TANGO6: variants seen among roughly 807,000 people sequenced by gnomAD.
TANGO6 encodes the protein transport and Golgi organization protein 6 homolog.
A neutral mutation model predicts 114.2 loss-of-function variants in TANGO6; 90 were observed. The ratio of observed to expected loss-of-function variants is 0.79; its 90% confidence interval spans 0.66 to 0.94. The LOEUF is 0.94. Ranked by LOEUF, TANGO6 falls within the 40% of genes least tolerant of loss-of-function variation. TANGO6 has a pLI of 0.00. For synonymous variants in TANGO6, 477 were observed against 509.8 expected (o/e 0.94, Z 0.87); for missense variants, 1,274 against 1,315.3 (o/e 0.97, Z 0.49).
At chr16:68,892,867 T>A (rs1230091451) in intron 7 of TANGO6, among the ~76,000 whole-genome samples, 1 of 152,128 alleles carries the variant, frequency 6.6e-6, no homozygotes, top group East Asian at 1.9e-4. Context: ...GAGAGGCTTT[T>A]ATCACACCAC....
At chr16:69,048,536 AATT>A (rs1283089257) in intron 17 of TANGO6, among the ~76,000 whole-genome samples, 1 of 151,918 alleles carries the variant, frequency 6.6e-6, no homozygotes, top group African/African-American at 2.4e-5. Context: ...CCCAGGGATT[AATT>A]ATTAATTGAC....
chr16:68,935,029 T>C (rs964815838), intron 14 of TANGO6, among the ~76,000 whole-genome samples: 27 of 152,194 alleles, frequency 1.8e-4, no homozygotes, highest in African/African-American at 6.3e-4. Flanking sequence ...TTTGGACTAA[T>C]TGATGTTTTT....
rs1959762562 is a variant in TANGO6 at position 69,040,898 on chromosome 16, G to A, written c.3108+477G>A. ...TTTCTTCCTCCTTCAAGTGGGTTTGGCTGGATTTCTCCCCAGCGTATGGCC... is the reference window on the plus strand; with the variant it reads ...TTTCTTCCTCCTTCAAGTGGGTTTGACTGGATTTCTCCCCAGCGTATGGCC... On this transcript the variant is annotated intron_variant, in intron 17 of 17. Transcript: ENST00000261778. Among the ~76,000 whole-genome samples, 3 of 152,060 alleles carry A rather than the reference G, an allele frequency of 2.0e-5. No individual in the cohort carries two copies. The South Asian group carries it at 6.2e-4, about 32-fold the overall frequency.
intron 4 of TANGO6, among the ~76,000 whole-genome samples, chr16:68,870,344 G>A (rs1962248194): frequency 6.6e-6 from 1 of 152,182 alleles, no homozygotes; most frequent in Non-Finnish European, 1.5e-5. Context: ...ACAAAAGTGA[G>A]GTCAGTGTGG....
At chr16:69,020,133 G>C (rs989629014) in intron 15 of TANGO6, among the ~76,000 whole-genome samples, 4 of 152,120 alleles carry the variant, frequency 2.6e-5, no homozygotes, top group African/African-American at 9.7e-5. Flanking sequence ...AAATGTCCCA[G>C]TGTCCCAGCA....
intron 16 of TANGO6, among the ~76,000 whole-genome samples, chr16:69,036,430 A>G (rs1254367012): frequency 6.6e-6 from 1 of 152,134 alleles, no homozygotes; most frequent in Admixed American, 6.5e-5. Context: ...ACCATTATAC[A>G]TTTCACATGA....
chr16:69,014,486 AG>A (rs1422742968), intron 15 of TANGO6, among the ~76,000 whole-genome samples: 9 of 152,186 alleles, frequency 5.9e-5, no homozygotes, highest in African/African-American at 2.2e-4. Flanking sequence ...TCACATGGGG[AG>A]GGATGGCGAC....
chr16:69,048,073 G>GT (rs937322859), intron 17 of TANGO6, among the ~76,000 whole-genome samples: 13 of 150,766 alleles, frequency 8.6e-5, no homozygotes, highest in East Asian at 3.9e-4. Context: ...GAGTTTGGGA[G>GT]TTTTTTTTTC....
chr16:68,976,440 G>A (rs1963766287), intron 15 of TANGO6, among the ~76,000 whole-genome samples: 1 of 152,200 alleles, frequency 6.6e-6, no homozygotes, highest in African/African-American at 2.4e-5. Flanking sequence ...ATGAAGCTAG[G>A]AGGTGGGACC....
At chr16:69,033,297 G>A (rs1285732158) in intron 16 of TANGO6, among the ~76,000 whole-genome samples, 1 of 152,206 alleles carries the variant, frequency 6.6e-6, no homozygotes, top group African/African-American at 2.4e-5. Flanking sequence ...GGGTGTGCTG[G>A]TGGAGAAGGA....
chr16:68,986,551 G>A (rs549266313), intron 15 of TANGO6, among the ~76,000 whole-genome samples: 32 of 152,064 alleles, frequency 2.1e-4, no homozygotes, highest in African/African-American at 7.2e-4. Context: ...AGTATCACAT[G>A]GCCCCAGGTC....
intron 12 of TANGO6, among the ~76,000 whole-genome samples, chr16:68,922,715 C>T (rs994078400): frequency 2.0e-5 from 3 of 152,124 alleles, no homozygotes; most frequent in South Asian, 4.1e-4. Context: ...CCATTGGTCT[C>T]TAAAGCACGA....
chr16:69,066,434 A>G (rs1960214741), intron 17 of TANGO6, among the ~76,000 whole-genome samples: 1 of 152,102 alleles, frequency 6.6e-6, no homozygotes, highest in Non-Finnish European at 1.5e-5. Flanking sequence ...AGCTGGGATT[A>G]CAGGCACACA....
At chr16:68,897,806 A>G (rs7194611) in intron 7 of TANGO6, among the ~76,000 whole-genome samples, 95,810 of 151,836 alleles carry the variant, frequency 0.63, 32,144 homozygotes, top group African/African-American at 0.89. Context: ...TCGAACTCCT[A>G]ACCTCAGGTG....
At chr16:68,903,436 T>G (rs983571553) in intron 9 of TANGO6, among the ~76,000 whole-genome samples, 1 of 150,998 alleles carries the variant, frequency 6.6e-6, no homozygotes, top group Non-Finnish European at 1.5e-5. Context: ...CTGGCCAACA[T>G]GGTGAAACCC....
At position 68,974,180 on chromosome 16, in the gene TANGO6, T is replaced by TG. The variant is rs760436758; in HGVS notation, c.2842+13dup. On this transcript the variant is annotated intron_variant, in intron 15 of 17. Transcript: ENST00000261778. The stretch of plus-strand genomic sequence containing the variant: ...CGTCAGGGCATTAGGTGAGTTTTCT[T>TG]GTTCCATCCACCTGGAAAAGGGTGG... 9.3e-6 allele frequency: 15 copies of TG among 1,613,908 alleles called. No homozygotes were observed. Among genetic ancestry groups the TG allele is most frequent in the African/African-American group, 1.3e-5 (1 of 75,042 alleles).
At chr16:68,997,980 A>G (rs572506988) in intron 15 of TANGO6, among the ~76,000 whole-genome samples, 116 of 152,350 alleles carry the variant, frequency 7.6e-4, no homozygotes, top group African/African-American at 2.2e-3. Flanking sequence ...GGTGAGGGCC[A>G]TTCATAACTG....
In TANGO6 at chr16:68,843,580, G is replaced by A. The variant is rs752699385; in HGVS notation, c.-38G>A. ...GGCGGCGGCGGCGCCCTGCCGAGGC[G>A]CCTGAGCGGGTCGCGAGCGTGGTGT... On this transcript the variant is annotated 5_prime_UTR_variant, in exon 1 of 18. Coordinates refer to ENST00000261778, the MANE Select transcript of TANGO6 (RefSeq NM_024562.2). 43 of 1,600,446 alleles carry A rather than the reference G, an allele frequency of 2.7e-5. No individual in the cohort carries two copies. The highest frequency in any genetic ancestry group is 3.3e-5 in the Non-Finnish European group (39 of 1,171,206).
At chr16:69,039,327 CAAAA>C (rs1224194865) in intron 16 of TANGO6, among the ~76,000 whole-genome samples, 2 of 102,868 alleles carry the variant, frequency 1.9e-5, no homozygotes. Context: ...GACTCCGTCT[CAAAA>C]AAAAAAAAAA....
Sources: gnomAD v4.1 joint callset for allele counts (sites outside exome capture counted in the v4.1 genomes callset) on GRCh38, gnomAD v4.1.1 for gene constraint, MANE v1.5 for transcripts, NCBI Gene and HGNC (gene_info 2026-07-23, HGNC 2026-07-21) for gene names.